Variants in BORCS5 observed in about 807,000 individuals in gnomAD.
The protein encoded by BORCS5 is BLOC-1 related complex subunit 5, also known as BLOC-1-related complex subunit 5.
Under a neutral mutation model 22.1 loss-of-function variants are expected in BORCS5, and 17 were observed. That is an observed-to-expected ratio of 0.77 (90% CI 0.53 to 1.15). BORCS5 has a LOEUF of 1.15. Among genes scored for constraint, BORCS5 ranks in the 50% most tolerant of loss-of-function variants. The pLI is 0.00. For missense variants in BORCS5, 247 were observed against 253.2 expected (o/e 0.98, Z 0.17); for synonymous variants, 117 against 99.8 (o/e 1.17, Z -1.03).
In BORCS5 at chr12:12,466,001, A is replaced by G. The variant is rs1179588710; in HGVS notation, c.*225A>G. On this transcript the variant is annotated 3_prime_UTR_variant, in exon 4 of 4. Coordinates refer to ENST00000314565, the MANE Select transcript of BORCS5 (RefSeq NM_058169.6). The stretch of plus-strand genomic sequence containing the variant: ...CCTAACCAGTTCTCGGTGATAACTG[A>G]AGCTGGAACGTGTGAATTATTAGGA... 5.9e-6 allele frequency: 3 copies of G among 504,920 alleles called. No homozygotes were observed. In the East Asian group the frequency reaches 9.6e-5, roughly 16 times the overall value. The allele number at this position is 504,920 out of a possible 1,614,324, so 31.3% of individuals were successfully genotyped here. A position where few individuals can be genotyped will look rare whatever the true frequency, so the allele number is the denominator to read the frequency against.
chr12:12,422,709 C>T (rs1418443199), intron 2 of BORCS5, among the ~76,000 whole-genome samples: 1 of 152,106 alleles, frequency 6.6e-6, no homozygotes, highest in Non-Finnish European at 1.5e-5. Context: ...GCTTAGTTTC[C>T]ATCCCTTTCA....
intron 3 of BORCS5, among the ~76,000 whole-genome samples, chr12:12,459,115 C>A (rs538727506): frequency 5.3e-5 from 8 of 151,978 alleles, no homozygotes; most frequent in East Asian, 4.0e-4. Flanking sequence ...AGGCTGGTCT[C>A]GAGCTCCTGA....
At chr12:12,396,115 G>A (rs1198367312) in intron 2 of BORCS5, among the ~76,000 whole-genome samples, 2 of 152,050 alleles carry the variant, frequency 1.3e-5, no homozygotes, top group Non-Finnish European at 2.9e-5. Flanking sequence ...AGCCTCCCGT[G>A]TAGCTGAGAT....
At chr12:12,451,974 T>C (rs1314329625) in intron 3 of BORCS5, 1 of 175,022 alleles carries the variant, frequency 5.7e-6, no homozygotes, top group Non-Finnish European at 1.2e-5. Flanking sequence ...TTCATATTGA[T>C]TTTACACAGC....
intron 3 of BORCS5, among the ~76,000 whole-genome samples, chr12:12,453,085 A>C (rs763435698): frequency 6.6e-6 from 1 of 152,192 alleles, no homozygotes; most frequent in Non-Finnish European, 1.5e-5. Flanking sequence ...AACTGGAAGA[A>C]AGGTCTTGAA....
chr12:12,384,850 T>TG (rs1158944202), intron 2 of BORCS5, among the ~76,000 whole-genome samples: 9 of 151,242 alleles, frequency 6.0e-5, no homozygotes, highest in Non-Finnish European at 1.0e-4. Context: ...CTGGAGCAGC[T>TG]GGGGGCCGTC....
intron 3 of BORCS5, among the ~76,000 whole-genome samples, chr12:12,447,602 C>T (rs949877853): frequency 6.6e-6 from 1 of 152,124 alleles, no homozygotes; most frequent in South Asian, 2.1e-4. Flanking sequence ...GTCCCATGTG[C>T]GGTATCTTGG....
intron 2 of BORCS5, among the ~76,000 whole-genome samples, chr12:12,396,408 G>C (rs1245237562): frequency 1.3e-5 from 2 of 152,198 alleles, no homozygotes; most frequent in African/African-American, 4.8e-5. Context: ...TTCTGGCCAT[G>C]GCGGAGAGCA....
intron 2 of BORCS5, among the ~76,000 whole-genome samples, chr12:12,398,318 T>G (rs1941397195): frequency 6.6e-6 from 1 of 152,070 alleles, no homozygotes; most frequent in Non-Finnish European, 1.5e-5. Context: ...ACAACATGAC[T>G]GGGAGGAGGG....
At chr12:12,364,221 C>A (rs1364985340) in intron 2 of BORCS5, among the ~76,000 whole-genome samples, 3 of 151,088 alleles carry the variant, frequency 2.0e-5, no homozygotes, top group Admixed American at 1.3e-4. Flanking sequence ...ACTAAAAATA[C>A]AAAAATTAGT....
At chr12:12,449,908 G>T (rs1263673881) in intron 3 of BORCS5, among the ~76,000 whole-genome samples, 1 of 152,170 alleles carries the variant, frequency 6.6e-6, no homozygotes, top group Admixed American at 6.5e-5. Flanking sequence ...TGCAGATCCA[G>T]GCTCACCGAG....
chr12:12,398,701 A>T (rs188283001), intron 2 of BORCS5, among the ~76,000 whole-genome samples: 6 of 152,298 alleles, frequency 3.9e-5, no homozygotes, highest in Admixed American at 3.3e-4. Flanking sequence ...ATTTCCAAAC[A>T]CTAGGAGGCA....
At chr12:12,378,218 A>C (rs1361480907) in intron 2 of BORCS5, among the ~76,000 whole-genome samples, 1 of 152,198 alleles carries the variant, frequency 6.6e-6, no homozygotes, top group African/African-American at 2.4e-5. Context: ...CTAAAAATAC[A>C]AAAAGTAGCT....
chr12:12,448,178 C>T (rs1377271409), intron 3 of BORCS5, among the ~76,000 whole-genome samples: 1 of 152,124 alleles, frequency 6.6e-6, no homozygotes, highest in African/African-American at 2.4e-5. Context: ...TTCCTTTCCA[C>T]CTCTTTGTCC....
chr12:12,438,385 A>AAAAAAAAAAAAAAAAAAACAC (rs1555156048), intron 3 of BORCS5, among the ~76,000 whole-genome samples: 24 of 126,144 alleles, frequency 1.9e-4, no homozygotes, highest in African/African-American at 7.5e-4. Flanking sequence ...AAAAAACGAA[A>AAAAAAAAAAAAAAAAAAACAC]AACAACAACA....
chr12:12,464,976 T>A (rs1943172480), intron 3 of BORCS5, among the ~76,000 whole-genome samples: 1 of 152,088 alleles, frequency 6.6e-6, no homozygotes, highest in South Asian at 2.1e-4. Context: ...TTGGGATTTT[T>A]GTTATTGTTG....
chr12:12,444,988 A>G (rs1331517097), intron 3 of BORCS5, among the ~76,000 whole-genome samples: 1 of 152,248 alleles, frequency 6.6e-6, no homozygotes, highest in African/African-American at 2.4e-5. Flanking sequence ...TTACAAATTT[A>G]TATTAGGCCA....
intron 3 of BORCS5, among the ~76,000 whole-genome samples, chr12:12,437,546 AG>A (rs1942580083): frequency 6.6e-6 from 1 of 152,220 alleles, no homozygotes; most frequent in African/African-American, 2.4e-5. Flanking sequence ...CCATATAAAG[AG>A]GTCAAACGAT....
In BORCS5 at chr12:12,440,940, T is replaced by C. The variant is rs1482546343; in HGVS notation, c.360+5155T>C. Reference sequence around the variant, plus strand: ...AAAAGTGGATGAAGATCAAAGGGGATTTTTTGTTATGCAGGTGGTGCACTT... The same window carrying C: ...AAAAGTGGATGAAGATCAAAGGGGACTTTTTGTTATGCAGGTGGTGCACTT... On this transcript the variant is annotated intron_variant, in intron 3 of 3. Coordinates refer to ENST00000314565, the MANE Select transcript of BORCS5 (RefSeq NM_058169.6). Among the ~76,000 whole-genome samples, 3 of 152,134 alleles carry C rather than the reference T, an allele frequency of 2.0e-5. No individual in the cohort carries two copies. In the East Asian group the frequency reaches 5.8e-4, roughly 29 times the overall value.
Sources: allele counts gnomAD v4.1 joint callset (sites outside exome capture counted in the v4.1 genomes callset), GRCh38; gene constraint gnomAD v4.1.1; transcripts MANE v1.5; gene names NCBI Gene and HGNC (gene_info 2026-07-23, HGNC 2026-07-21).